Variants in WNK2 observed in about 807,000 individuals in gnomAD.
WNK2 encodes serine/threonine-protein kinase WNK2.
WNK2 carries 67 observed loss-of-function variants against 192.1 expected under a neutral mutation model. The ratio of observed to expected loss-of-function variants is 0.35; its 90% CI spans 0.29 to 0.43. The LOEUF is 0.43. Among genes scored for constraint, WNK2 ranks in the 20% least tolerant of loss-of-function variants. The pLI is 1.00. For missense variants in WNK2, 2,698 were observed against 3,089.7 expected (o/e 0.87, Z 3.01); for synonymous variants, 1,439 against 1,393.9 (o/e 1.03, Z -0.72).
At chr9:93,320,240 G>C (rs563659265) in intron 29 of WNK2, 127 bp from the exon 30 acceptor site, 1 of 1,044,136 alleles carries the variant, frequency 9.6e-7, no homozygotes, top group Non-Finnish European at 1.3e-6. Flanking sequence ...TACACAGGGC[G>C]TGGGTCATGG....
chr9:93,297,289 A>G (rs999977173), intron 23 of WNK2, among the ~76,000 whole-genome samples: 24 of 152,070 alleles, frequency 1.6e-4, no homozygotes, highest in Admixed American at 5.2e-4. Context: ...CCCATGGTCA[A>G]TGAGCCACCT....
intron 4 of WNK2, 100 bp from the exon 5 acceptor site, chr9:93,234,708 G>A: frequency 7.2e-7 from 1 of 1,394,602 alleles, no homozygotes; most frequent in Non-Finnish European, 9.7e-7. Flanking sequence ...ATGTGGAGGG[G>A]ACATGGGGTT....
chr9:93,272,109 T>C (rs1194557834), intron 19 of WNK2, among the ~76,000 whole-genome samples: 3 of 152,228 alleles, frequency 2.0e-5, no homozygotes, highest in Non-Finnish European at 2.9e-5. Context: ...ACACCTACTC[T>C]AAAATTAGAA....
At position 93,292,660 on chromosome 9, in the gene WNK2, G is replaced by T. The variant is rs563807204; in HGVS notation, c.5195G>T (p.Arg1732Leu). 1.3e-6 allele frequency: 2 copies of T among 1,579,580 alleles called. No homozygotes were observed. The highest frequency in any genetic ancestry group is 4.7e-5 in the East Asian group (2 of 42,628). Residue 1732 changes from arginine to leucine, a missense_variant, in exon 23 of 30, where the codon CGT becomes CTT. This residue lies in a region of WNK2 where 1,098 missense variants were observed against 1,101.0 expected (regional missense o/e 1.00). Transcript: ENST00000427277. ...CGAGCTTTGGGGTCCCCTCGGAAACGTCCAGAGCAGCAGGATGTCAGCTCA... is the reference window on the plus strand; with the variant it reads ...CGAGCTTTGGGGTCCCCTCGGAAACTTCCAGAGCAGCAGGATGTCAGCTCA... ...GARALGSPRK[R>L]PEQQDVSSPA... is the part of the protein sequence containing the mutation.
chr9:93,254,137 G>A (rs943831587), intron 9 of WNK2, among the ~76,000 whole-genome samples: 10 of 152,016 alleles, frequency 6.6e-5, no homozygotes, highest in Admixed American at 5.2e-4. Context: ...GCCTGGTCTC[G>A]AACTCCGGAC....
At chr9:93,238,194 AG>A in intron 5 of WNK2, 38 bp from the exon 6 acceptor site, 1 of 1,600,378 alleles carries the variant, frequency 6.2e-7, no homozygotes, top group Non-Finnish European at 8.6e-7. Flanking sequence ...GCCTTCCGGC[AG>A]CCGATCGGGT....
intron 25 of WNK2, 60 bp from the exon 26 acceptor site, chr9:93,299,991 C>T (rs764317623): frequency 7.6e-6 from 11 of 1,438,272 alleles, no homozygotes; most frequent in African/African-American, 5.6e-5. Context: ...GAGGAGGAAT[C>T]GCAGCAACCT....
chr9:93,185,665 T>C (rs1345048466), intron 2 of WNK2, 55 bp downstream of exon 2: 16 of 1,556,618 alleles, frequency 1.0e-5, no homozygotes, highest in Non-Finnish European at 1.4e-5. Flanking sequence ...CGCGAGTGCG[T>C]CCTTGGGCCT....
chr9:93,269,680 T>C (rs1485235851), intron 19 of WNK2, among the ~76,000 whole-genome samples: 2 of 152,166 alleles, frequency 1.3e-5, no homozygotes, highest in African/African-American at 4.8e-5. Flanking sequence ...AGAAAAACCC[T>C]CCTAAGAGCT....
At chr9:93,203,459 C>T (rs1001265510) in intron 2 of WNK2, among the ~76,000 whole-genome samples, 3 of 152,256 alleles carry the variant, frequency 2.0e-5, no homozygotes, top group East Asian at 1.9e-4. Flanking sequence ...TCTGGGGAGC[C>T]GGGAGACCCT....
intron 23 of WNK2, 72 bp from the exon 24 acceptor site, chr9:93,297,781 C>T: frequency 6.8e-7 from 1 of 1,467,692 alleles, no homozygotes; most frequent in Non-Finnish European, 9.2e-7. Context: ...CGCCACCTCC[C>T]TCCTGGAGGA....
At chr9:93,303,235 G>C (rs552437478) in intron 26 of WNK2, among the ~76,000 whole-genome samples, 1 of 152,286 alleles carries the variant, frequency 6.6e-6, no homozygotes, top group East Asian at 1.9e-4. Flanking sequence ...CATTCTAAGG[G>C]ATGTTGGCCT....
chr9:93,185,019 G>A lies in WNK2; in HGVS notation c.90G>A (p.Arg30=). 8.0e-7 allele frequency: 1 copy of A among 1,254,094 alleles called. No individual in the cohort carries two copies. The highest frequency in any genetic ancestry group is 1.0e-6 in the Non-Finnish European group (1 of 1,003,828). The allele number at this position is 1,254,094 out of a possible 1,614,324, so 77.7% of individuals were successfully genotyped here. A position where few individuals can be genotyped will look rare whatever the true frequency, so the allele number is the denominator to read the frequency against. ...GAGPAGMAEP[R]AKAARPGPQR... Reference sequence around the variant, plus strand: ...GGCCCGCGGGCATGGCGGAGCCTCGGGCGAAGGCGGCGCGGCCGGGGCCCC... The same window carrying A: ...GGCCCGCGGGCATGGCGGAGCCTCGAGCGAAGGCGGCGCGGCCGGGGCCCC... The change falls in exon 2 of 30, where the codon CGG becomes CGA. Residue 30 remains arginine, a synonymous_variant. Coordinates refer to ENST00000427277, the MANE Select transcript of WNK2 (RefSeq NM_006648.4).
At position 93,262,723 on chromosome 9, in the gene WNK2, G is replaced by A; in HGVS notation, c.3410+4G>A. ...GCCTCCCGCAGAGCTGTGAGAGGTA[G>A]TGTGGCCCAGCCTCGACCTCGCAGG... On this transcript the variant is annotated splice_donor_region_variant and intron_variant, in intron 14 of 29. Coordinates refer to ENST00000427277, the MANE Select transcript of WNK2 (RefSeq NM_006648.4). 6.2e-7 allele frequency: 1 copy of A among 1,612,044 alleles called. No homozygotes were observed. The highest frequency in any genetic ancestry group is 8.5e-7 in the Non-Finnish European group (1 of 1,179,868).
At chr9:93,237,969 C>T (rs558163472) in intron 5 of WNK2, among the ~76,000 whole-genome samples, 16 of 152,098 alleles carry the variant, frequency 1.1e-4, no homozygotes, top group African/African-American at 3.6e-4. Flanking sequence ...CAGGGCTCTG[C>T]TGGTTTACGG....
intron 2 of WNK2, among the ~76,000 whole-genome samples, chr9:93,191,268 G>C (rs920298892): frequency 2.0e-5 from 3 of 152,148 alleles, no homozygotes; most frequent in African/African-American, 7.2e-5. Context: ...CTAGCCAAAA[G>C]ATAGCATCAA....
chr9:93,291,867 T>C (rs1276165536), intron 21 of WNK2, among the ~76,000 whole-genome samples: 1 of 152,170 alleles, frequency 6.6e-6, no homozygotes, highest in East Asian at 1.9e-4. Context: ...AGCACCGGAA[T>C]AGCTGCAGGT....
intron 2 of WNK2, among the ~76,000 whole-genome samples, chr9:93,194,366 A>G (rs1830861820): frequency 1.3e-5 from 2 of 152,170 alleles, no homozygotes; most frequent in African/African-American, 2.4e-5. Flanking sequence ...AAACTCAACA[A>G]TAAGAAAACA....
chr9:93,195,896 A>G (rs755231871), intron 2 of WNK2, among the ~76,000 whole-genome samples: 5 of 151,856 alleles, frequency 3.3e-5, no homozygotes, highest in Non-Finnish European at 5.9e-5. Context: ...CTTTAAAGCT[A>G]TTGTTTTGCA....
Sources: gnomAD v4.1 joint callset for allele counts (sites outside exome capture counted in the v4.1 genomes callset) on GRCh38, gnomAD v4.1.1 for gene constraint, gnomAD v4.1.1 regional missense constraint, MANE v1.5 for transcripts, NCBI Gene and HGNC (gene_info 2026-07-23, HGNC 2026-07-21) for gene names.